Variants in NDEL1 observed in about 807,000 individuals in gnomAD.
NDEL1 encodes the protein nudE neurodevelopment protein 1 like 1.
A neutral mutation model predicts 45.7 loss-of-function variants in NDEL1; 9 were observed. The observed-to-expected ratio is 0.20, with a 90% CI of 0.12 to 0.34. The LOEUF is 0.34. Among genes scored for constraint, NDEL1 ranks in the 10% least tolerant of loss-of-function variants. The pLI is 1.00. For synonymous variants in NDEL1, 133 were observed against 158.6 expected (o/e 0.84, Z 1.21); for missense variants, 306 against 406.2 (o/e 0.75, Z 2.12).
At chr17:8,469,306 A>T (rs946911182), downstream of NDEL1, among the ~76,000 whole-genome samples, 1 of 152,118 alleles carries the variant, frequency 6.6e-6, no homozygotes, top group Non-Finnish European at 1.5e-5. Context: ...TTATGTAGGA[A>T]CCCCAACTAA....
chr17:8,470,500 C>T (rs530361809), downstream of NDEL1, among the ~76,000 whole-genome samples: 18 of 152,296 alleles, frequency 1.2e-4, no homozygotes, highest in East Asian at 9.6e-4. The surrounding 1 kb of genome is among the most constrained non-coding windows in gnomAD (Gnocchi z 4.2). Flanking sequence ...CCCTGACCAA[C>T]GCAGCTGAGA....
At chr17:8,440,232 A>G (rs1332211221) in intron 1 of NDEL1, among the ~76,000 whole-genome samples, 3 of 152,144 alleles carry the variant, frequency 2.0e-5, no homozygotes, top group Non-Finnish European at 1.5e-5. Context: ...AAAATAAAGA[A>G]TGTGACCAGG....
chr17:8,434,220 T>TTTTTG (rs1388033040), upstream of NDEL1, among the ~76,000 whole-genome samples: 2 of 152,122 alleles, frequency 1.3e-5, no homozygotes, highest in Non-Finnish European at 2.9e-5. Flanking sequence ...CAGGAGTTCT[T>TTTTTG]TTTTGTTTTG....
At chr17:8,432,932 C>A (rs1317551648), upstream of NDEL1, among the ~76,000 whole-genome samples, 1 of 152,094 alleles carries the variant, frequency 6.6e-6, no homozygotes, top group African/African-American at 2.4e-5. Flanking sequence ...TTCTTTAGCC[C>A]TCCAGAAAGC....
intron 7 of NDEL1, among the ~76,000 whole-genome samples, chr17:8,455,862 A>G (rs531436002): frequency 1.3e-5 from 2 of 152,180 alleles, no homozygotes; most frequent in East Asian, 3.9e-4. Context: ...GATCTCACAC[A>G]TCTCTTACTC....
chr17:8,464,241 C>T (rs1325169613), intron 8 of NDEL1: 1 of 151,738 alleles, frequency 6.6e-6, no homozygotes, highest in Non-Finnish European at 1.5e-5. Context: ...AATTTTATAG[C>T]TCTGGAACCT....
rs1911662325 is a variant in NDEL1, at chr17:8,467,277, A to C, written c.*254A>C. 1.7e-6 allele frequency: 1 copy of C among 585,306 alleles called. No homozygotes were observed. The highest frequency in any genetic ancestry group is 3.0e-6 in the Non-Finnish European group (1 of 329,316). 36.3% of individuals were successfully genotyped at this position (585,306 alleles called of 1,614,324 possible). On this transcript the variant is annotated 3_prime_UTR_variant, in exon 9 of 9. Coordinates refer to ENST00000334527, the MANE Select transcript of NDEL1 (RefSeq NM_030808.5). This position sits in a 1 kb window ranked among gnomAD's most constrained non-coding sequence, Gnocchi z 6.3. ...CATGATTGCACTTTTGTGGGTCGCA[A>C]GGTGATACATACGTGTATTACTTGG...
chr17:8,421,239 A>C (rs1185084648), intron 1 of NDEL1, among the ~76,000 whole-genome samples: 1 of 152,246 alleles, frequency 6.6e-6, no homozygotes, highest in Non-Finnish European at 1.5e-5. Flanking sequence ...CTGGAAGATC[A>C]GAAAGGGGTA....
At position 8,467,055 on chromosome 17, in the gene NDEL1, T is replaced by A; in HGVS notation, c.*32T>A. 1 of 1,606,722 alleles carries A rather than the reference T, an allele frequency of 6.2e-7. No individual in the cohort carries two copies. The highest frequency in any genetic ancestry group is 8.5e-7 in the Non-Finnish European group (1 of 1,173,960). On this transcript the variant is annotated 3_prime_UTR_variant, in exon 9 of 9. Coordinates refer to ENST00000334527, the MANE Select transcript of NDEL1 (RefSeq NM_030808.5). The surrounding 1 kb of genome is among the most constrained non-coding windows in gnomAD (Gnocchi z 6.3). ...AGCCTCCAGGTGGGGGCTCCTGCCC[T>A]CCTCCAACAACCCAGGACACCCACG...
upstream of NDEL1, among the ~76,000 whole-genome samples, chr17:8,432,351 TAAATATAA>T (rs1275752460): frequency 3.5e-4 from 42 of 121,318 alleles, 1 homozygote; most frequent in Admixed American, 8.6e-4. Flanking sequence ...TATATAAATA[TAAATATAA>T]ATATATATAT....
intron 7 of NDEL1, among the ~76,000 whole-genome samples, chr17:8,457,351 C>T (rs1910910230): frequency 6.6e-6 from 1 of 152,120 alleles, no homozygotes; most frequent in Admixed American, 6.5e-5. Context: ...TGTCTTTGTT[C>T]CTTGTTTGTT....
intron 8 of NDEL1, chr17:8,463,386 ATTCT>A (rs1184208370): frequency 6.9e-6 from 11 of 1,604,436 alleles, no homozygotes; most frequent in African/African-American, 5.3e-5. Context: ...GCTCTTTTTC[ATTCT>A]TTCTTAATCC....
At chr17:8,443,204 C>T (rs150014624) in intron 1 of NDEL1, among the ~76,000 whole-genome samples, 3 of 152,206 alleles carry the variant, frequency 2.0e-5, no homozygotes, top group Non-Finnish European at 2.9e-5. Flanking sequence ...TGGGCTGAGA[C>T]GGAAATAAGT....
rs555744366 is a variant in NDEL1 at position 8,462,603 on chromosome 17, A to G, written c.944+2443A>G. Among the ~76,000 whole-genome samples the G allele has an allele frequency of 4.6e-5, 7 of 152,306 alleles. No homozygotes were observed. In the East Asian group the frequency reaches 1.4e-3, roughly 29 times the overall value. ...CACTCTGGCAGGTTAAAAACACAAA[A>G]GCCTGTCTGTGTAGAAGTGGAGAAG... On this transcript the variant is annotated intron_variant, in intron 8 of 8. Coordinates refer to ENST00000334527, the MANE Select transcript of NDEL1 (RefSeq NM_030808.5).
chr17:8,454,716 A>T, intron 6 of NDEL1, 80 bp from the exon 7 acceptor site: 1 of 987,790 alleles, frequency 1.0e-6, no homozygotes, highest in Non-Finnish European at 1.6e-6. Flanking sequence ...TGAGTGTTAC[A>T]CTACTTTGTA....
At chr17:8,421,842 G>T (rs1908715051) in intron 1 of NDEL1, among the ~76,000 whole-genome samples, 1 of 152,170 alleles carries the variant, frequency 6.6e-6, no homozygotes, top group African/African-American at 2.4e-5. Flanking sequence ...ATCACATTCT[G>T]CAGACTGGCC....
chr17:8,448,900 G>T (rs1028667500), intron 5 of NDEL1, among the ~76,000 whole-genome samples: 1 of 152,162 alleles, frequency 6.6e-6, no homozygotes, highest in African/African-American at 2.4e-5. Context: ...GTAGGTGGGG[G>T]TCCTGGAACC....
intron 1 of NDEL1, among the ~76,000 whole-genome samples, chr17:8,422,252 T>C (rs72841772): frequency 0.019 from 2,901 of 152,296 alleles, 35 homozygotes; most frequent in Non-Finnish European, 0.033. Flanking sequence ...CTTTAGAAAA[T>C]TGTTGAAACA....
At chr17:8,453,741 G>A (rs1015721682) in intron 6 of NDEL1, among the ~76,000 whole-genome samples, 1 of 152,144 alleles carries the variant, frequency 6.6e-6, no homozygotes, top group African/African-American at 2.4e-5. Context: ...AAATTGATAT[G>A]TTGATATTAA....
Sources: gnomAD v4.1 joint callset for allele counts (sites outside exome capture counted in the v4.1 genomes callset) on GRCh38, gnomAD v4.1.1 for gene constraint, Gnocchi (gnomAD v3.1) non-coding constraint, MANE v1.5 for transcripts, NCBI Gene and HGNC (gene_info 2026-07-23, HGNC 2026-07-21) for gene names.